SMC5: variants seen among roughly 807,000 people sequenced by gnomAD.
SMC5 encodes structural maintenance of chromosomes protein 5.
SMC5 carries 88 observed loss-of-function variants against 148.3 expected under a neutral mutation model. The ratio of observed to expected loss-of-function variants is 0.59; its 90% CI spans 0.50 to 0.71. The LOEUF (loss-of-function observed/expected upper bound fraction) is 0.71. SMC5 is among the 30% of genes least tolerant of loss of function. The pLI is 0.00. For missense variants in SMC5, 1,142 were observed against 1,298.9 expected, an observed-to-expected ratio of 0.88 and a Z score of 1.86; for synonymous variants, 421 against 432.8, an observed-to-expected ratio of 0.97 and a Z score of 0.34.
intron 17 of SMC5, among the ~76,000 whole-genome samples, chr9:70,340,657 T>C (rs2036497062): frequency 6.6e-6 from 1 of 152,148 alleles, no homozygotes; most frequent in African/African-American, 2.4e-5. Context: ...ATTTTATTCA[T>C]ATAGAAAATG....
intron 11 of SMC5, among the ~76,000 whole-genome samples, chr9:70,308,332 G>A (rs971253606): frequency 1.1e-4 from 16 of 152,134 alleles, no homozygotes; most frequent in African/African-American, 2.9e-4. Flanking sequence ...GTGGCCGGGC[G>A]CGGTGGCTCA....
At chr9:70,276,901 C>G (rs560432241) in intron 3 of SMC5, among the ~76,000 whole-genome samples, 59 of 152,204 alleles carry the variant, frequency 3.9e-4, no homozygotes, top group African/African-American at 1.0e-3. Context: ...CATATGTTTT[C>G]TGAGCAGGGG....
chr9:70,352,058 G>A, intron 24 of SMC5, 133 bp from the exon 25 acceptor site: 2 of 747,812 alleles, frequency 2.7e-6, no homozygotes, highest in Non-Finnish European at 4.0e-6. Flanking sequence ...TCCGGCCTGA[G>A]CAGCAGAGTG....
At chr9:70,299,374 G>GA (rs1190990912) in intron 9 of SMC5, among the ~76,000 whole-genome samples, 11 of 148,708 alleles carry the variant, frequency 7.4e-5, no homozygotes, top group African/African-American at 2.7e-4. Flanking sequence ...ATTGAAGAGG[G>GA]AAAAAAAAAG....
intron 8 of SMC5, among the ~76,000 whole-genome samples, chr9:70,295,420 G>A (rs2035173548): frequency 6.8e-6 from 1 of 148,018 alleles, no homozygotes; most frequent in Non-Finnish European, 1.5e-5. Context: ...GCAGTGAGCT[G>A]AGATTGCACC....
intron 15 of SMC5, among the ~76,000 whole-genome samples, chr9:70,319,885 T>A (rs1250867844): frequency 6.6e-6 from 1 of 152,208 alleles, no homozygotes; most frequent in Non-Finnish European, 1.5e-5. Flanking sequence ...GAAAAGCTGT[T>A]AAGAATTGGG....
chr9:70,289,266 G>A (rs1046229589), intron 8 of SMC5, among the ~76,000 whole-genome samples: 3 of 152,124 alleles, frequency 2.0e-5, no homozygotes, highest in African/African-American at 7.2e-5. Context: ...TCAAAGACCT[G>A]ACCTCAAGTG....
At chr9:70,348,745 T>C (rs1335267279) in intron 22 of SMC5, among the ~76,000 whole-genome samples, 1 of 152,122 alleles carries the variant, frequency 6.6e-6, no homozygotes, top group Non-Finnish European at 1.5e-5. Context: ...GGAAATTTGC[T>C]ACTAATTTCT....
chr9:70,343,657 AAC>A (rs1214943529), intron 17 of SMC5, among the ~76,000 whole-genome samples: 1 of 152,000 alleles, frequency 6.6e-6, no homozygotes, highest in Non-Finnish European at 1.5e-5. Context: ...CTCTACTAAA[AAC>A]ACAAAAATTA....
chr9:70,310,677 A>G (rs566732263), intron 11 of SMC5, among the ~76,000 whole-genome samples: 1 of 152,272 alleles, frequency 6.6e-6, no homozygotes, highest in Admixed American at 6.5e-5. Context: ...TCTTTTCTCT[A>G]GTTATGAAAG....
At chr9:70,261,697 A>G (rs536711826) in intron 1 of SMC5, among the ~76,000 whole-genome samples, 1 of 152,338 alleles carries the variant, frequency 6.6e-6, no homozygotes, top group African/African-American at 2.4e-5. Context: ...ATTGCCCAAT[A>G]GGAATTATGA....
rs1470915380 is a variant in SMC5 at position 70,311,447 on chromosome 9, G to A, written c.1579-3295G>A. 1.3e-5 allele frequency: 2 copies of A among 152,106 alleles called. 1 individual carries two copies. The highest frequency in any genetic ancestry group is 3.9e-4 in the East Asian group (2 of 5,182). The allele number at this position is 152,106 out of a possible 1,614,324, so 9.4% of individuals were successfully genotyped here. On this transcript the variant is annotated intron_variant, in intron 11 of 24. Coordinates refer to ENST00000361138, the MANE Select transcript of SMC5 (RefSeq NM_015110.4). ...GACAATGGTAGTATCAAAGATCATA[G>A]ATCACTAACATATACAACAATAATA...
chr9:70,305,197 TAATC>T, intron 10 of SMC5, 46 bp from the exon 11 acceptor site: 1 of 759,972 alleles, frequency 1.3e-6, no homozygotes, highest in South Asian at 1.7e-5. Context: ...CATGTTTTAA[TAATC>T]AGTTGGGTTT....
At chr9:70,294,453 TAAG>T (rs2035143773) in intron 8 of SMC5, among the ~76,000 whole-genome samples, 1 of 152,112 alleles carries the variant, frequency 6.6e-6, no homozygotes, top group African/African-American at 2.4e-5. Context: ...CAGTGTGACA[TAAG>T]AAGAAAGGTC....
chr9:70,274,239 G>T (rs920919155), intron 3 of SMC5, among the ~76,000 whole-genome samples: 1 of 152,094 alleles, frequency 6.6e-6, no homozygotes, highest in Non-Finnish European at 1.5e-5. Context: ...CCGACACTAC[G>T]CCCAGCTAAT....
chr9:70,303,875 T>A (rs1246591508), intron 10 of SMC5, among the ~76,000 whole-genome samples: 1 of 152,208 alleles, frequency 6.6e-6, no homozygotes, highest in African/African-American at 2.4e-5. Flanking sequence ...TTTCCATGTT[T>A]TGGAAATAAT....
intron 17 of SMC5, among the ~76,000 whole-genome samples, chr9:70,339,093 G>A (rs1414604876): frequency 6.6e-6 from 1 of 152,084 alleles, no homozygotes; most frequent in Non-Finnish European, 1.5e-5. Context: ...CTTAATAAAT[G>A]TTTGTTGCTG....
At position 70,301,057 on chromosome 9, in the gene SMC5, A is replaced by G. The variant is rs185142392; in HGVS notation, c.1464+857A>G. Among the ~76,000 whole-genome samples the G allele has an allele frequency of 3.8e-3, 574 of 152,282 alleles. 2 individuals are homozygous for G. Among genetic ancestry groups the G allele is most frequent in the African/African-American group, 0.013 (548 of 41,574 alleles). ...TCTTAAATTAGCAAAGTTAATATTC[A>G]TAACATTCTCTTATTCACATATGTG... On this transcript the variant is annotated intron_variant, in intron 10 of 24. Transcript: ENST00000361138.
At chr9:70,323,927 C>A in intron 16 of SMC5, 94 bp from the exon 17 acceptor site, 2 of 1,166,722 alleles carry the variant, frequency 1.7e-6, no homozygotes, top group Non-Finnish European at 2.4e-6. Flanking sequence ...ATTATTTTTT[C>A]ATGGTTTATA....
Sources: allele counts gnomAD v4.1 joint callset (sites outside exome capture counted in the v4.1 genomes callset), GRCh38; gene constraint gnomAD v4.1.1; transcripts MANE v1.5; gene names NCBI Gene and HGNC (gene_info 2026-07-23, HGNC 2026-07-21).